Variants in TIGAR observed in about 807,000 individuals in gnomAD.
TIGAR encodes TP53 induced glycolysis regulatory phosphatase.
In TIGAR, 7 loss-of-function variants were observed where a neutral mutation model predicts 17.9. That is an observed-to-expected ratio of 0.39 (90% CI 0.22 to 0.73). TIGAR has a LOEUF of 0.73. TIGAR is among the 30% of genes least tolerant of loss of function. The probability of loss-of-function intolerance (pLI) is 0.42; values close to 1 mark genes in which losing one functional copy is unlikely to be tolerated. For missense variants in TIGAR, 258 were observed against 327.4 expected (o/e 0.79, Z 1.64); for synonymous variants, 94 against 108.6 (o/e 0.87, Z 0.84).
rs150484303 is a variant in TIGAR, at chr12:4,351,332, A to G, written c.336A>G (p.Glu112=). 42 of 1,614,024 alleles carry G rather than the reference A, an allele frequency of 2.6e-5. No individual in the cohort carries two copies. The highest frequency in any genetic ancestry group is 6.7e-5 in the Admixed American group (4 of 59,998). Residue 112 remains glutamate (E), a synonymous_variant, in exon 5 of 6, where the codon GAA becomes GAG. Transcript: ENST00000179259. The stretch of plus-strand genomic sequence containing the variant: ...GGGCCATGGCCAAAGCAGCCAGGGA[A>G]GAGTGCCCTGTGTTTACACCGCCCG... The part of the protein sequence containing the change: ...ELRAMAKAAR[E]ECPVFTPPGG...
chr12:4,327,563 G>T (rs1313666794), intron 1 of TIGAR, among the ~76,000 whole-genome samples: 1 of 152,190 alleles, frequency 6.6e-6, no homozygotes, highest in African/African-American at 2.4e-5. Context: ...CTGAGACTTG[G>T]TTTTTATTAC....
chr12:4,332,030 C>G (rs1864608544), intron 2 of TIGAR, among the ~76,000 whole-genome samples: 4 of 152,110 alleles, frequency 2.6e-5, no homozygotes. Flanking sequence ...CCTTTGTTTT[C>G]AGACGAAATA....
intron 1 of TIGAR, among the ~76,000 whole-genome samples, chr12:4,330,668 G>A (rs75176738): frequency 0.048 from 7,369 of 152,112 alleles, 518 homozygotes; most frequent in East Asian, 0.33. Context: ...TTACCCTTCC[G>A]GTTGGTTCAG....
At chr12:4,338,317 A>G (rs867299814) in intron 3 of TIGAR, among the ~76,000 whole-genome samples, 9 of 152,136 alleles carry the variant, frequency 5.9e-5, no homozygotes, top group South Asian at 2.1e-4. Context: ...CTGTGGGCCT[A>G]TGATGCCTGA....
chr12:4,345,790 A>G (rs1591664578), intron 3 of TIGAR, among the ~76,000 whole-genome samples: 2 of 152,364 alleles, frequency 1.3e-5, no homozygotes, highest in Middle Eastern at 6.8e-3. Flanking sequence ...GCTTCTGCAC[A>G]GCAAAAGAAA....
chr12:4,342,151 A>G (rs1864730008), intron 3 of TIGAR, among the ~76,000 whole-genome samples: 1 of 152,230 alleles, frequency 6.6e-6, no homozygotes, highest in Non-Finnish European at 1.5e-5. Flanking sequence ...TGAAGATCAA[A>G]TGAATGAAAT....
chr12:4,354,617 T>C lies in TIGAR; in HGVS notation c.*1926T>C, dbSNP rs1864876581. The C allele has an allele frequency of 6.6e-6, 1 of 152,174 alleles. No individual in the cohort carries two copies. Among genetic ancestry groups the C allele is most frequent in the Non-Finnish European group, 1.5e-5 (1 of 68,020 alleles). 9.4% of individuals were successfully genotyped at this position (152,174 alleles called of 1,614,324 possible). A position where few individuals can be genotyped will look rare whatever the true frequency, so the allele number is the denominator to read the frequency against. ...TACTTATGTCTTGGAGGCATCTCTG[T>C]GTTGATATATATAGATCTAGTTAAT... is the stretch of plus-strand genomic sequence containing the variant. On this transcript the variant is annotated 3_prime_UTR_variant, in exon 6 of 6. Transcript: ENST00000179259.
chr12:4,340,020 C>T (rs1436755213), intron 3 of TIGAR, among the ~76,000 whole-genome samples: 1 of 152,182 alleles, frequency 6.6e-6, no homozygotes, highest in Non-Finnish European at 1.5e-5. Flanking sequence ...GACAAGGATG[C>T]CCATTTTCAC....
intron 3 of TIGAR, among the ~76,000 whole-genome samples, chr12:4,347,796 A>C (rs533101368): frequency 2.0e-4 from 30 of 152,338 alleles, no homozygotes; most frequent in Admixed American, 2.0e-3. Flanking sequence ...ATTATAGATA[A>C]ATATATGATA....
chr12:4,346,318 C>T (rs1031194925), intron 3 of TIGAR, among the ~76,000 whole-genome samples: 15 of 152,040 alleles, frequency 9.9e-5, no homozygotes, highest in East Asian at 1.9e-4. Context: ...ATGTTTATTG[C>T]GGCACTATTC....
intron 3 of TIGAR, among the ~76,000 whole-genome samples, chr12:4,345,038 A>C (rs1864764600): frequency 6.6e-6 from 1 of 152,214 alleles, no homozygotes; most frequent in South Asian, 2.1e-4. Context: ...ATACCTAGGA[A>C]TCCAACTTAC....
intron 2 of TIGAR, among the ~76,000 whole-genome samples, chr12:4,334,735 T>C (rs1226485690): frequency 1.3e-5 from 2 of 152,146 alleles, no homozygotes; most frequent in African/African-American, 4.8e-5. Flanking sequence ...GTAAACATAG[T>C]GGCTTCAGTC....
intron 3 of TIGAR, among the ~76,000 whole-genome samples, chr12:4,343,907 C>CA (rs1270256488): frequency 6.6e-6 from 1 of 152,012 alleles, no homozygotes; most frequent in African/African-American, 2.4e-5. Context: ...GACAGAGACA[C>CA]AAAAAACCCT....
chr12:4,341,806 AC>A, intron 3 of TIGAR, among the ~76,000 whole-genome samples: 1 of 152,298 alleles, frequency 6.6e-6, no homozygotes, highest in African/African-American at 2.4e-5. Context: ...GAGCAGAAAA[AC>A]TGAAAATTCT....
At chr12:4,345,998 T>TG (rs1864775721) in intron 3 of TIGAR, among the ~76,000 whole-genome samples, 3 of 152,196 alleles carry the variant, frequency 2.0e-5, no homozygotes, top group South Asian at 4.1e-4. Context: ...AACAGACAGA[T>TG]GAAAAAATGC....
At chr12:4,343,978 G>A (rs929620985) in intron 3 of TIGAR, among the ~76,000 whole-genome samples, 26 of 152,036 alleles carry the variant, frequency 1.7e-4, no homozygotes, top group African/African-American at 2.9e-4. Flanking sequence ...TTGATAGACC[G>A]CTAGCAAGAC....
At chr12:4,338,487 A>C (rs1169416611) in intron 3 of TIGAR, among the ~76,000 whole-genome samples, 2 of 152,312 alleles carry the variant, frequency 1.3e-5, no homozygotes, top group African/African-American at 4.8e-5. Flanking sequence ...TACATAACTT[A>C]AATTTGTGGG....
rs1864945737 is a variant in TIGAR at position 4,359,088 on chromosome 12, T to TCAA, written c.*6397_*6398insCAA. Among the ~76,000 whole-genome samples the TCAA allele has an allele frequency of 7.6e-6, 1 of 130,972 alleles. No homozygotes were observed. Among genetic ancestry groups the TCAA allele is most frequent in the Non-Finnish European group, 1.6e-5 (1 of 62,898 alleles). The allele number at this position is 130,972 out of a possible 152,430, so 85.9% of individuals were successfully genotyped here. A position where few individuals can be genotyped will look rare whatever the true frequency, so the allele number is the denominator to read the frequency against. On this transcript the variant is annotated 3_prime_UTR_variant, in exon 6 of 6. Coordinates refer to ENST00000179259, the MANE Select transcript of TIGAR (RefSeq NM_020375.3). Reference sequence around the variant, plus strand: ...TTTGCAACTACTCTTTTAGCCTTTATTGTTTATTTTCTGACTCTGTTTTTT... The same window carrying TCAA: ...TTTGCAACTACTCTTTTAGCCTTTATCAATGTTTATTTTCTGACTCTGTTTTTT...
chr12:4,346,353 C>G (rs1864780260), intron 3 of TIGAR, among the ~76,000 whole-genome samples: 2 of 152,268 alleles, frequency 1.3e-5, no homozygotes, highest in South Asian at 4.1e-4. Flanking sequence ...TTGGAACCAA[C>G]CCAAATGTCC....
Sources: allele counts gnomAD v4.1 joint callset (sites outside exome capture counted in the v4.1 genomes callset), GRCh38; gene constraint gnomAD v4.1.1; transcripts MANE v1.5; gene names NCBI Gene and HGNC (gene_info 2026-07-23, HGNC 2026-07-21).